CENPP: variants seen among roughly 807,000 people sequenced by gnomAD.
CENPP encodes the protein centromere protein P.
CENPP carries 24 observed loss-of-function variants against 35.6 expected under a neutral mutation model. The ratio of observed to expected loss-of-function variants is 0.67; its 90% CI spans 0.49 to 0.95. The LOEUF (loss-of-function observed/expected upper bound fraction) is 0.95. Ranked by LOEUF, CENPP falls within the 40% of genes least tolerant of loss-of-function variation. CENPP has a pLI of 0.00. For missense variants in CENPP, 332 were observed against 345.3 expected, an observed-to-expected ratio of 0.96 and a Z score of 0.31; for synonymous variants, 120 against 125.5, an observed-to-expected ratio of 0.96 and a Z score of 0.29.
intron 5 of CENPP, among the ~76,000 whole-genome samples, chr9:92,543,803 A>G (rs1849369422): frequency 6.6e-6 from 1 of 152,102 alleles, no homozygotes; most frequent in East Asian, 1.9e-4. Context: ...GTTATTACGT[A>G]TCTATTGTAA....
intron 5 of CENPP, among the ~76,000 whole-genome samples, chr9:92,605,062 C>T (rs1851037756): frequency 6.6e-6 from 1 of 152,092 alleles, no homozygotes; most frequent in Non-Finnish European, 1.5e-5. Flanking sequence ...CTCACTGCAA[C>T]CTCCACCTCC....
At chr9:92,477,896 G>T (rs1564344022) in intron 5 of CENPP, among the ~76,000 whole-genome samples, 1 of 152,168 alleles carries the variant, frequency 6.6e-6, no homozygotes, top group East Asian at 1.9e-4. Context: ...TATGGGGTAG[G>T]AACAGGGGTG....
chr9:92,533,323 AAAAAAATATATATATATATAT>A (rs1848950408), intron 5 of CENPP, among the ~76,000 whole-genome samples: 1 of 99,106 alleles, frequency 1.0e-5, no homozygotes, highest in Non-Finnish European at 2.0e-5. Flanking sequence ...AAAAAAAAAA[AAAAAAATATATATATATATAT>A]ATATATATAT....
intron 3 of CENPP, among the ~76,000 whole-genome samples, chr9:92,344,986 T>C (rs1841243852): frequency 6.6e-6 from 1 of 151,314 alleles, no homozygotes; most frequent in Non-Finnish European, 1.5e-5. Context: ...GCACGGTGGC[T>C]CACGCCTGTA....
Position 92,337,606 on chromosome 9 carries a change from G to A in CENPP, c.355G>A (p.Glu119Lys). The change falls in exon 3 of 8, where the codon GAA (glutamate) becomes AAA (lysine). Residue 119 changes from glutamate (E) to lysine (K), a missense_variant. Physicochemically the swap from Glu to Lys is moderately conservative, Grantham distance 56. Coordinates refer to ENST00000375587, the MANE Select transcript of CENPP (RefSeq NM_001012267.3). ...TTGCCACATGGTTACATTTCAACTT[G>A]AATTTCAGATTCTGGAAATTCAGGT... ...GNCHMVTFQL[E>K]FQILEIQNKE... 1 of 1,603,860 alleles carries A rather than the reference G, an allele frequency of 6.2e-7. No individual in the cohort carries two copies.
intron 1 of CENPP, among the ~76,000 whole-genome samples, chr9:92,330,090 A>G (rs1159759281): frequency 6.6e-6 from 1 of 152,220 alleles, no homozygotes; most frequent in Non-Finnish European, 1.5e-5. Flanking sequence ...AGCATTGGTT[A>G]ATGTAGTAGA....
chr9:92,376,977 G>C (rs544072080), intron 4 of CENPP, among the ~76,000 whole-genome samples: 1 of 151,896 alleles, frequency 6.6e-6, no homozygotes, highest in African/African-American at 2.4e-5. Flanking sequence ...CCCAGGAAGC[G>C]GAGGTTTTGG....
chr9:92,480,910 A>T (rs1321690301), intron 5 of CENPP, among the ~76,000 whole-genome samples: 17 of 152,224 alleles, frequency 1.1e-4, no homozygotes. Flanking sequence ...TTGGAAACTT[A>T]TTCACAGTAC....
intron 5 of CENPP, among the ~76,000 whole-genome samples, chr9:92,446,507 C>T (rs891180930): frequency 1.3e-5 from 2 of 152,098 alleles, no homozygotes; most frequent in African/African-American, 4.8e-5. Flanking sequence ...TAAATAGTAA[C>T]TGTAGTCTGT....
chr9:92,549,208 G>C (rs1205701488), intron 5 of CENPP, among the ~76,000 whole-genome samples: 1 of 152,182 alleles, frequency 6.6e-6, no homozygotes, highest in African/African-American at 2.4e-5. Context: ...GTGCTCCAGA[G>C]ACCAGAACTA....
chr9:92,331,380 C>T (rs567481631), intron 1 of CENPP, among the ~76,000 whole-genome samples: 1 of 152,106 alleles, frequency 6.6e-6, no homozygotes, highest in South Asian at 2.1e-4. Context: ...TGGGGTTTCA[C>T]TGTGTTAGCC....
intron 5 of CENPP, among the ~76,000 whole-genome samples, chr9:92,484,852 T>C (rs1326181970): frequency 1.3e-5 from 2 of 152,220 alleles, no homozygotes; most frequent in African/African-American, 4.8e-5. Context: ...TCTAAAGATA[T>C]GTTACAGCTA....
In CENPP at chr9:92,619,803, C is replaced by A. The variant is rs899214047; in HGVS notation, c.*6654C>A. 3 of 543,670 alleles carry A rather than the reference C, an allele frequency of 5.5e-6. No individual in the cohort carries two copies. Among genetic ancestry groups the A allele is most frequent in the Non-Finnish European group, 1.0e-5 (3 of 300,046 alleles). The allele number at this position is 543,670 out of a possible 1,614,324, so 33.7% of individuals were successfully genotyped here. On this transcript the variant is annotated 3_prime_UTR_variant, in exon 8 of 8. Coordinates refer to ENST00000375587, the MANE Select transcript of CENPP (RefSeq NM_001012267.3). The stretch of plus-strand genomic sequence containing the variant: ...GCCAGCACCGCCCCCTGACCTCTCA[C>A]GGCAAGCAGTGTGGGACCCCGACTC...
rs561186895 is a variant in CENPP at position 92,618,528 on chromosome 9, C to T, written c.*5379C>T. ...TCCATTGCCCAGCTGCATCCTTGGTCGGGGGGCTGCTGAACAGTGGTATCT... is the reference window on the plus strand; with the variant it reads ...TCCATTGCCCAGCTGCATCCTTGGTTGGGGGGCTGCTGAACAGTGGTATCT... On this transcript the variant is annotated 3_prime_UTR_variant, in exon 8 of 8. Coordinates refer to ENST00000375587, the MANE Select transcript of CENPP (RefSeq NM_001012267.3). 358 of 456,662 alleles carry T rather than the reference C, an allele frequency of 7.8e-4. 6 individuals are homozygous for T. Among genetic ancestry groups the T allele is most frequent in the South Asian group, 5.2e-3 (338 of 64,566 alleles). 28.3% of individuals were successfully genotyped at this position (456,662 alleles called of 1,614,324 possible).
In CENPP at chr9:92,513,795, A is replaced by C. The variant is rs572722166; in HGVS notation, c.565-97519A>C. On this transcript the variant is annotated intron_variant, in intron 5 of 7. Transcript: ENST00000375587. ...GTGACTGGTGGAGGGGGAAACAAGG[A>C]ATTTTGGGGAGTGATAGAATGTCCT... Among the ~76,000 whole-genome samples, 5 of 152,330 alleles carry C rather than the reference A, an allele frequency of 3.3e-5. No individual in the cohort carries two copies. The South Asian group carries it at 1.0e-3, about 32-fold the overall frequency.
intron 5 of CENPP, chr9:92,464,587 G>A (rs1336723075): frequency 6.6e-6 from 3 of 451,864 alleles, no homozygotes; most frequent in South Asian, 1.7e-5. Context: ...ATCTTTCTCT[G>A]CTTTCTTCTG....
At chr9:92,596,592 A>G (rs1405451320) in intron 5 of CENPP, among the ~76,000 whole-genome samples, 1 of 152,102 alleles carries the variant, frequency 6.6e-6, no homozygotes, top group Non-Finnish European at 1.5e-5. Flanking sequence ...TAGAATTCCA[A>G]TTTGCTCAGA....
At chr9:92,460,570 A>C (rs557973515) in intron 5 of CENPP, 1 of 1,500,140 alleles carries the variant, frequency 6.7e-7, no homozygotes, top group East Asian at 2.3e-5. Flanking sequence ...TGGTAAGCCT[A>C]ATAAGAAGAG....
intron 5 of CENPP, among the ~76,000 whole-genome samples, chr9:92,591,823 C>T (rs1850669891): frequency 6.6e-6 from 1 of 152,074 alleles, no homozygotes; most frequent in Non-Finnish European, 1.5e-5. Context: ...AGAGAGGAGG[C>T]ATCTTGGCAC....
Sources: gnomAD v4.1 joint callset for allele counts (sites outside exome capture counted in the v4.1 genomes callset) on GRCh38, gnomAD v4.1.1 for gene constraint, MANE v1.5 for transcripts, NCBI Gene and HGNC (gene_info 2026-07-23, HGNC 2026-07-21) for gene names.